Variants in NFXL1 observed in about 807,000 individuals in gnomAD.
The protein encoded by NFXL1 is NF-X1-type zinc finger protein NFXL1.
Under a neutral mutation model 123.3 loss-of-function variants are expected in NFXL1, and 66 were observed. The observed-to-expected ratio is 0.54, with a 90% CI of 0.44 to 0.66. The LOEUF is 0.66. Among genes scored for constraint, NFXL1 ranks in the 30% least tolerant of loss-of-function variants. NFXL1 has a pLI of 0.00. For missense variants in NFXL1, 944 were observed against 1,125.6 expected, an observed-to-expected ratio of 0.84 and a Z score of 2.31; for synonymous variants, 346 against 360.8, an observed-to-expected ratio of 0.96 and a Z score of 0.46.
intron 19 of NFXL1, among the ~76,000 whole-genome samples, chr4:47,859,104 G>C (rs1174715860): frequency 2.6e-5 from 4 of 152,142 alleles, no homozygotes; most frequent in Admixed American, 6.5e-5. Context: ...TATTCACTTA[G>C]AGATGAGATG....
chr4:47,848,479 C>T lies in NFXL1; in HGVS notation c.2563-143G>A, dbSNP rs1229475702. ...ATTGATTTGATTTTTTAAAACACTA[C>T]TCTCCACTACTGATTGTATTCAACA... On this transcript the variant is annotated intron_variant, in intron 22 of 22. Transcript: ENST00000507489. 26 of 610,080 alleles carry T rather than the reference C, an allele frequency of 4.3e-5. 1 individual carries two copies. The South Asian group carries it at 6.3e-4, about 15-fold the overall frequency. The allele number at this position is 610,080 out of a possible 1,614,324, so 37.8% of individuals were successfully genotyped here.
In NFXL1 at chr4:47,903,172, CA is replaced by C. The variant is rs771903506; in HGVS notation, c.647+20del. On this transcript the variant is annotated intron_variant, in intron 5 of 22. Coordinates refer to ENST00000507489, the MANE Select transcript of NFXL1 (RefSeq NM_001278624.2). ...CCATCTGAAAATAATAATAATAATC[CA>C]ACTAATTAGAAAAAGTTACCAAGGC... 7 of 1,532,360 alleles carry C rather than the reference CA, an allele frequency of 4.6e-6. No individual in the cohort carries two copies. The African/African-American group carries it at 9.9e-5, about 22-fold the overall frequency. The allele number at this position is 1,532,360 out of a possible 1,614,324, so 94.9% of individuals were successfully genotyped here.
At chr4:47,855,785 G>A (rs774815576) in intron 19 of NFXL1, among the ~76,000 whole-genome samples, 9 of 151,872 alleles carry the variant, frequency 5.9e-5, no homozygotes, top group Non-Finnish European at 1.2e-4. Context: ...TATTATTTAG[G>A]TAGCCAAAAC....
chr4:47,868,526 A>G (rs1219915011), intron 18 of NFXL1, among the ~76,000 whole-genome samples: 1 of 152,016 alleles, frequency 6.6e-6, no homozygotes, highest in African/African-American at 2.4e-5. Context: ...CAAACCAGTT[A>G]GTAAAAGATG....
Position 47,914,165 on chromosome 4 carries a change from G to C in NFXL1, c.39C>G (p.Gly13=), listed in dbSNP as rs1417429441. 1 of 1,537,060 alleles carries C rather than the reference G, an allele frequency of 6.5e-7. No homozygotes were observed. Among genetic ancestry groups the C allele is most frequent in the Non-Finnish European group, 8.8e-7 (1 of 1,139,686 alleles). The change falls in exon 2 of 23, where the codon GGC becomes GGG. Residue 13 remains glycine (G), a synonymous_variant. Coordinates refer to ENST00000507489, the MANE Select transcript of NFXL1 (RefSeq NM_001278624.2). ...ASWRQVAGGR[G]RSRGRATAAP... ...CGGCAGTGGCCCGTCCCCGGGATCG[G>C]CCTCGGCCACCGGCCACCTGGCGCC...
At chr4:47,891,701 G>A (rs1051942464) in intron 11 of NFXL1, among the ~76,000 whole-genome samples, 1 of 152,146 alleles carries the variant, frequency 6.6e-6, no homozygotes, top group African/African-American at 2.4e-5. Flanking sequence ...TTGTATATAA[G>A]AGTAAGTTTC....
At position 47,897,950 on chromosome 4, in the gene NFXL1, A is replaced by G. The variant is rs1737183924; in HGVS notation, c.1204+17T>C. On this transcript the variant is annotated intron_variant, in intron 9 of 22. Coordinates refer to ENST00000507489, the MANE Select transcript of NFXL1 (RefSeq NM_001278624.2). ...CAGATCATTTCCTATATAAATATAA[A>G]AAAAAACAAGTCTTACTTGATTTCT... 2 of 1,478,384 alleles carry G rather than the reference A, an allele frequency of 1.4e-6. No homozygotes were observed. Among genetic ancestry groups the G allele is most frequent in the East Asian group, 2.3e-5 (1 of 44,098 alleles). 91.6% of individuals were successfully genotyped at this position (1,478,384 alleles called of 1,614,324 possible).
intron 22 of NFXL1, among the ~76,000 whole-genome samples, chr4:47,849,193 G>A (rs897500157): frequency 6.6e-6 from 1 of 152,062 alleles, no homozygotes; most frequent in Non-Finnish European, 1.5e-5. Context: ...TTTAAAAATA[G>A]TAAAAATTCT....
At chr4:47,862,966 T>C (rs978321137) in intron 18 of NFXL1, 51 bp from the exon 19 acceptor site, 5 of 955,210 alleles carry the variant, frequency 5.2e-6, no homozygotes, top group South Asian at 4.3e-5. Context: ...TTTTATAGCA[T>C]AATTTTTCTA....
intron 2 of NFXL1, among the ~76,000 whole-genome samples, chr4:47,912,777 T>C (rs1415791384): frequency 3.7e-5 from 5 of 134,870 alleles, no homozygotes; most frequent in Non-Finnish European, 7.9e-5. Flanking sequence ...GTTTTCCTTC[T>C]ACCCACGAGA....
At chr4:47,911,068 A>G in intron 2 of NFXL1, 74 bp from the exon 3 acceptor site, 1 of 799,172 alleles carries the variant, frequency 1.3e-6, no homozygotes, top group South Asian at 2.2e-5. Flanking sequence ...CTAATATATC[A>G]TTTTACAACA....
chr4:47,862,983 ACT>A lies in NFXL1; in HGVS notation c.2247-70_2247-69del, dbSNP rs539776917. The A allele has an allele frequency of 2.0e-4, 164 of 821,994 alleles. No individual in the cohort carries two copies. The African/African-American group carries it at 2.5e-3, about 12-fold the overall frequency. The allele number at this position is 821,994 out of a possible 1,614,324, so 50.9% of individuals were successfully genotyped here. A position where few individuals can be genotyped will look rare whatever the true frequency, so the allele number is the denominator to read the frequency against. Reference sequence around the variant, plus strand: ...TTATAGCATAATTTTTCTAAAAATAACTCATAATTTCAAACATATCCATAAAA... The same window carrying A: ...TTATAGCATAATTTTTCTAAAAATAACATAATTTCAAACATATCCATAAAA... On this transcript the variant is annotated intron_variant, in intron 18 of 22. Transcript: ENST00000507489.
chr4:47,885,835 T>G, intron 13 of NFXL1, 44 bp downstream of exon 13: 1 of 1,578,076 alleles, frequency 6.3e-7, no homozygotes, highest in Non-Finnish European at 8.6e-7. Context: ...GAATTTAAAT[T>G]TGTACAACAT....
At position 47,894,264 on chromosome 4, in the gene NFXL1, T is replaced by C. The variant is rs1240758628; in HGVS notation, c.1368A>G (p.Lys456=). The change falls in exon 11 of 23, where the codon AAA becomes AAG. Residue 456 remains lysine, a synonymous_variant. Coordinates refer to ENST00000507489, the MANE Select transcript of NFXL1 (RefSeq NM_001278624.2). ...GATAAGGTTTATGACAAGGCATTCG[T>C]TTTGTATGCTTTCCACAGCGACAAT... is the stretch of plus-strand genomic sequence containing the variant. The part of the protein sequence containing the change: ...EKHCRCGKHT[K]RMPCHKPYLC... 18 of 1,602,192 alleles carry C rather than the reference T, an allele frequency of 1.1e-5. No individual in the cohort carries two copies. The highest frequency in any genetic ancestry group is 1.5e-5 in the Non-Finnish European group (18 of 1,173,312).
intron 18 of NFXL1, among the ~76,000 whole-genome samples, chr4:47,865,727 A>T (rs1735020661): frequency 6.6e-6 from 1 of 152,214 alleles, no homozygotes; most frequent in Non-Finnish European, 1.5e-5. Flanking sequence ...GCAGTGGCTC[A>T]TGCCTCTAAT....
chr4:47,865,894 T>C (rs772705614), intron 18 of NFXL1, among the ~76,000 whole-genome samples: 17 of 152,142 alleles, frequency 1.1e-4, no homozygotes, highest in East Asian at 1.9e-4. Context: ...TGTGCACCTG[T>C]AGTCCCAGCT....
At chr4:47,875,356 A>AGG in intron 17 of NFXL1, 63 bp from the exon 18 acceptor site, 3 of 1,255,814 alleles carry the variant, frequency 2.4e-6, no homozygotes, top group South Asian at 1.6e-5. Flanking sequence ...TCCATATGTT[A>AGG]CAGTTATAAA....
chr4:47,872,538 T>G (rs993055673), intron 18 of NFXL1, among the ~76,000 whole-genome samples: 1 of 152,090 alleles, frequency 6.6e-6, no homozygotes, highest in Non-Finnish European at 1.5e-5. Flanking sequence ...GCAGGTTCAG[T>G]TCCAGACCAC....
chr4:47,877,492 C>G (rs1335221789), intron 17 of NFXL1, among the ~76,000 whole-genome samples: 1 of 152,024 alleles, frequency 6.6e-6, no homozygotes. Context: ...CTGACTCACT[C>G]CGTATTCTGG....
Sources: allele counts gnomAD v4.1 joint callset (sites outside exome capture counted in the v4.1 genomes callset), GRCh38; gene constraint gnomAD v4.1.1; transcripts MANE v1.5; gene names NCBI Gene and HGNC (gene_info 2026-07-23, HGNC 2026-07-21).